The following ANO4 variants were observed in gnomAD, a reference collection of about 807,000 sequenced individuals.
The protein encoded by ANO4 is anoctamin 4.
ANO4 carries 69 observed loss-of-function variants against 141.9 expected under a neutral mutation model. The ratio of observed to expected loss-of-function variants is 0.49; its 90% CI spans 0.40 to 0.59. The LOEUF (loss-of-function observed/expected upper bound fraction) is 0.59. Among genes scored for constraint, ANO4 ranks in the 20% least tolerant of loss-of-function variants. ANO4 has a pLI of 0.00. For synonymous variants in ANO4, 350 were observed against 394.3 expected, an observed-to-expected ratio of 0.89 and a Z score of 1.33; for missense variants, 894 against 1,162.2, an observed-to-expected ratio of 0.77 and a Z score of 3.36.
At chr12:100,785,630 T>C (rs1325275370) in intron 3 of ANO4, among the ~76,000 whole-genome samples, 1 of 152,200 alleles carries the variant, frequency 6.6e-6, no homozygotes, top group Non-Finnish European at 1.5e-5. Context: ...ACCACAGTTT[T>C]ATTTTTCATT....
At chr12:100,743,272 A>G (rs898222093) in intron 3 of ANO4, among the ~76,000 whole-genome samples, 12 of 150,412 alleles carry the variant, frequency 8.0e-5, no homozygotes, top group Non-Finnish European at 1.3e-4. Context: ...AAAATATTTT[A>G]AAATATATAT....
intron 7 of ANO4, 136 bp downstream of exon 7, chr12:100,975,025 T>TCAGACA: frequency 4.0e-6 from 4 of 1,004,098 alleles, no homozygotes; most frequent in Non-Finnish European, 6.2e-6. Context: ...CATTTTAAAA[T>TCAGACA]CAGCTGTGTC....
At chr12:100,791,029 T>C (rs1239371658), upstream of ANO4, among the ~76,000 whole-genome samples, 2 of 152,216 alleles carry the variant, frequency 1.3e-5, no homozygotes, top group African/African-American at 4.8e-5. Flanking sequence ...TTCTAGAATA[T>C]TCTTTCCCTC....
intron 8 of ANO4, among the ~76,000 whole-genome samples, chr12:100,993,911 C>T (rs2045254696): frequency 6.6e-6 from 1 of 152,210 alleles, no homozygotes; most frequent in South Asian, 2.1e-4. Context: ...CAGGAAGGCT[C>T]TAGGTCTCAC....
At chr12:100,779,103 A>G (rs759400945) in intron 3 of ANO4, among the ~76,000 whole-genome samples, 2 of 152,208 alleles carry the variant, frequency 1.3e-5, no homozygotes, top group Non-Finnish European at 2.9e-5. Context: ...CAAAACAAAT[A>G]CACATATGCA....
At chr12:100,901,026 C>T (rs779726000) in intron 1 of ANO4, among the ~76,000 whole-genome samples, 1 of 152,088 alleles carries the variant, frequency 6.6e-6, no homozygotes, top group Non-Finnish European at 1.5e-5. Context: ...GTAATCAATT[C>T]TACTTTTGAG....
rs35934592 is a variant in ANO4 at position 100,912,392 on chromosome 12, C to CA, written c.56-9817dup. Among the ~76,000 whole-genome samples, 639 of 66,836 alleles carry CA rather than the reference C, an allele frequency of 9.6e-3. 4 individuals are homozygous for CA. Among genetic ancestry groups the CA allele is most frequent in the African/African-American group, 0.018 (337 of 18,264 alleles). 43.8% of individuals were successfully genotyped at this position (66,836 alleles called of 152,430 possible). A position where few individuals can be genotyped will look rare whatever the true frequency, so the allele number is the denominator to read the frequency against. On this transcript the variant is annotated intron_variant, in intron 2 of 27. Coordinates refer to ENST00000392977, the MANE Select transcript of ANO4 (RefSeq NM_001286615.2). ...CCCAGGTAACAGAGCAGGACTCTGT[C>CA]AAAAAAAAAAAAAAAAAGAAAAAAG...
chr12:101,102,190 TG>T (rs1243319318), intron 22 of ANO4, among the ~76,000 whole-genome samples: 2 of 152,230 alleles, frequency 1.3e-5, no homozygotes, highest in Non-Finnish European at 2.9e-5. Context: ...ACGGCATTTT[TG>T]TACATGTATT....
chr12:100,850,233 C>T (rs1052156284), intron 1 of ANO4, among the ~76,000 whole-genome samples: 1 of 152,090 alleles, frequency 6.6e-6, no homozygotes, highest in African/African-American at 2.4e-5. Flanking sequence ...TGATTAGAGT[C>T]AGGAATTTGG....
chr12:100,794,943 T>TTCACAGTGGA lies in ANO4; in HGVS notation c.-223_-214dup, dbSNP rs2034208101. The TTCACAGTGGA allele has an allele frequency of 6.6e-6, 1 of 152,530 alleles. No individual in the cohort carries two copies. Among genetic ancestry groups the TTCACAGTGGA allele is most frequent in the South Asian group, 2.1e-4 (1 of 4,802 alleles). The allele number at this position is 152,530 out of a possible 1,614,324, so 9.4% of individuals were successfully genotyped here. A position where few individuals can be genotyped will look rare whatever the true frequency, so the allele number is the denominator to read the frequency against. Reference sequence around the variant, plus strand: ...CCTCCTCCCGACTGGAGCCTGGAGGTTCACAGTGGATTTCTTTCTGCCGAA... The same window carrying TTCACAGTGGA: ...CCTCCTCCCGACTGGAGCCTGGAGGTTCACAGTGGATCACAGTGGATTTCTTTCTGCCGAA... On this transcript the variant is annotated 5_prime_UTR_variant, in exon 1 of 28. Coordinates refer to ENST00000392977, the MANE Select transcript of ANO4 (RefSeq NM_001286615.2).
intron 3 of ANO4, among the ~76,000 whole-genome samples, chr12:100,742,367 A>G (rs1237883540): frequency 2.6e-5 from 4 of 152,086 alleles, no homozygotes; most frequent in African/African-American, 9.7e-5. Flanking sequence ...TGTTTTAAAG[A>G]ATAAAGTTAA....
chr12:100,895,071 C>A (rs1430139176), intron 1 of ANO4, among the ~76,000 whole-genome samples: 1 of 151,612 alleles, frequency 6.6e-6, no homozygotes, highest in Non-Finnish European at 1.5e-5. Context: ...GTCAATGTTC[C>A]AGGAAGGCGA....
chr12:100,793,214 GAACT>G (rs1326380086), upstream of ANO4, among the ~76,000 whole-genome samples: 1 of 152,178 alleles, frequency 6.6e-6, no homozygotes, highest in African/African-American at 2.4e-5. Flanking sequence ...GATTTGAGTT[GAACT>G]GAGGAGAATA....
At chr12:100,915,072 C>T (rs1374681391) in intron 2 of ANO4, among the ~76,000 whole-genome samples, 2 of 152,232 alleles carry the variant, frequency 1.3e-5, no homozygotes, top group African/African-American at 2.4e-5. Flanking sequence ...CCTCCTGGCT[C>T]AGCCTCCTGC....
chr12:100,768,472 T>C (rs2033174948), intron 3 of ANO4, among the ~76,000 whole-genome samples: 1 of 152,248 alleles, frequency 6.6e-6, no homozygotes, highest in Non-Finnish European at 1.5e-5. Context: ...GGACCAGCAC[T>C]GGAGTGTCCT....
intron 9 of ANO4, among the ~76,000 whole-genome samples, chr12:101,020,517 G>A (rs1593035546): frequency 6.6e-6 from 1 of 152,220 alleles, no homozygotes; most frequent in South Asian, 2.1e-4. Flanking sequence ...ACTGGATGAT[G>A]ATACAGAGAT....
intron 10 of ANO4, among the ~76,000 whole-genome samples, chr12:101,038,057 T>C (rs11830247): frequency 0.33 from 50,588 of 152,056 alleles, 8,672 homozygotes; most frequent in Non-Finnish European, 0.38. Flanking sequence ...TTTTAAACAC[T>C]AAGAGGGTGC....
chr12:101,065,691 A>T (rs1424440496), intron 14 of ANO4, among the ~76,000 whole-genome samples: 1 of 152,178 alleles, frequency 6.6e-6, no homozygotes, highest in East Asian at 1.9e-4. Flanking sequence ...TTTAAAGAAG[A>T]TCTAATAGCA....
chr12:101,121,936 A>G (rs1181325018), intron 26 of ANO4, among the ~76,000 whole-genome samples: 1 of 151,502 alleles, frequency 6.6e-6, no homozygotes, highest in East Asian at 1.9e-4. Context: ...TAATTTTTGT[A>G]TTTTTAGTGG....
Sources: allele counts gnomAD v4.1 joint callset (sites outside exome capture counted in the v4.1 genomes callset), GRCh38; gene constraint gnomAD v4.1.1; transcripts MANE v1.5; gene names NCBI Gene and HGNC (gene_info 2026-07-23, HGNC 2026-07-21).